Variants in CADM2 observed in about 807,000 individuals in gnomAD.
CADM2 encodes the protein immunoglobulin superfamily member 4D.
CADM2 carries 12 observed loss-of-function variants against 49.8 expected under a neutral mutation model. The observed-to-expected ratio is 0.24, with a 90% confidence interval of 0.15 to 0.39. The LOEUF (loss-of-function observed/expected upper bound fraction) is 0.39. Among genes scored for constraint, CADM2 ranks in the 10% least tolerant of loss-of-function variants. CADM2 has a pLI of 1.00. For missense variants in CADM2, 378 were observed against 492.3 expected, an observed-to-expected ratio of 0.77 and a Z score of 2.20; for synonymous variants, 214 against 175.4, an observed-to-expected ratio of 1.22 and a Z score of -1.74.
At chr3:85,860,129 A>T (rs2075469166) in intron 3 of CADM2, among the ~76,000 whole-genome samples, 2 of 152,218 alleles carry the variant, frequency 1.3e-5, no homozygotes, top group Admixed American at 6.5e-5. Context: ...AACATGATTG[A>T]ACATTATATA....
chr3:85,064,354 CTTCTT>C (rs1461502226), intron 1 of CADM2, among the ~76,000 whole-genome samples: 1 of 152,054 alleles, frequency 6.6e-6, no homozygotes, highest in Non-Finnish European at 1.5e-5. Context: ...GGTTTCTTCT[CTTCTT>C]GTTTGATTTT....
chr3:85,865,004 C>T (rs999027468), intron 3 of CADM2, among the ~76,000 whole-genome samples: 6 of 152,290 alleles, frequency 3.9e-5, no homozygotes, highest in East Asian at 1.9e-4. Context: ...CAGCCCAGAA[C>T]CACTTTTTAA....
chr3:85,835,532 T>G (rs931754312), intron 3 of CADM2, among the ~76,000 whole-genome samples: 4 of 151,076 alleles, frequency 2.6e-5, no homozygotes, highest in African/African-American at 9.7e-5. Flanking sequence ...CCCTGATATA[T>G]CAAATATACT....
intron 1 of CADM2, among the ~76,000 whole-genome samples, chr3:85,142,718 G>GC (rs1405644580): frequency 1.3e-5 from 2 of 152,122 alleles, no homozygotes; most frequent in East Asian, 3.9e-4. Context: ...CATAAGCTAC[G>GC]AACCTTTTAA....
At chr3:85,023,299 T>C (rs921947073) in intron 1 of CADM2, among the ~76,000 whole-genome samples, 1 of 152,164 alleles carries the variant, frequency 6.6e-6, no homozygotes, top group Non-Finnish European at 1.5e-5. Context: ...TTTGTACTTA[T>C]TACCTCAGTA....
chr3:85,903,770 C>T (rs1383688243), intron 5 of CADM2, among the ~76,000 whole-genome samples: 1 of 152,132 alleles, frequency 6.6e-6, no homozygotes, highest in African/African-American at 2.4e-5. Flanking sequence ...TCTCTGCTTA[C>T]GTTAGTATCA....
rs2042053573 is a variant in CADM2 at position 85,221,930 on chromosome 3, C to A, written c.61+262262C>A. ...AAATGATAAAGAAAGCAAAATATAGCATCCTAGTAAATGCAGTTGAAGAAG... is the reference window on the plus strand; with the variant it reads ...AAATGATAAAGAAAGCAAAATATAGAATCCTAGTAAATGCAGTTGAAGAAG... On this transcript the variant is annotated intron_variant, in intron 1 of 9. Coordinates refer to ENST00000383699, the MANE Select transcript of CADM2 (RefSeq NM_001167675.2). Among the ~76,000 whole-genome samples, 2 of 152,044 alleles carry A rather than the reference C, an allele frequency of 1.3e-5. 1 individual carries two copies.
At chr3:85,845,150 A>T (rs80040118) in intron 3 of CADM2, among the ~76,000 whole-genome samples, 7,280 of 129,338 alleles carry the variant, frequency 0.056, 520 homozygotes, top group African/African-American at 0.19. Flanking sequence ...ACTGAGACTT[A>T]GTCACAAAAA....
intron 1 of CADM2, among the ~76,000 whole-genome samples, chr3:85,086,896 T>A (rs1292987682): frequency 6.6e-6 from 1 of 152,206 alleles, no homozygotes. Context: ...TGTAGCCATC[T>A]GCTTTCATAG....
intron 1 of CADM2, among the ~76,000 whole-genome samples, chr3:85,375,871 G>T (rs2033564356): frequency 6.6e-6 from 1 of 152,014 alleles, no homozygotes; most frequent in African/African-American, 2.4e-5. Flanking sequence ...TATTATATTT[G>T]CACTAGAGAA....
chr3:85,258,961 T>C (rs182779309), intron 1 of CADM2, among the ~76,000 whole-genome samples: 95 of 152,188 alleles, frequency 6.2e-4, no homozygotes, highest in Admixed American at 1.7e-3. Flanking sequence ...CCCTGTCAAA[T>C]TGATAGAGTG....
At chr3:85,551,973 T>C (rs1328733086) in intron 1 of CADM2, among the ~76,000 whole-genome samples, 2 of 151,126 alleles carry the variant, frequency 1.3e-5, no homozygotes, top group African/African-American at 2.4e-5. Context: ...TTTGTGATTA[T>C]ATACACTTTT....
At chr3:85,783,271 G>A (rs1422217482) in intron 2 of CADM2, among the ~76,000 whole-genome samples, 1 of 152,176 alleles carries the variant, frequency 6.6e-6, no homozygotes, top group Non-Finnish European at 1.5e-5. Flanking sequence ...GTTAAATGAA[G>A]TAGCAAATGC....
chr3:85,139,616 T>G (rs2039516938), intron 1 of CADM2, among the ~76,000 whole-genome samples: 1 of 152,086 alleles, frequency 6.6e-6, no homozygotes, highest in Admixed American at 6.6e-5. Flanking sequence ...ATTTTATTTA[T>G]AAGAACTATA....
intron 1 of CADM2, among the ~76,000 whole-genome samples, chr3:85,358,655 A>C (rs1174655848): frequency 1.3e-5 from 2 of 152,176 alleles, no homozygotes; most frequent in Non-Finnish European, 2.9e-5. Flanking sequence ...ATAGCCAATA[A>C]AATTGATGAA....
intron 1 of CADM2, among the ~76,000 whole-genome samples, chr3:85,001,315 T>G (rs1053112317): frequency 6.6e-6 from 1 of 152,050 alleles, no homozygotes; most frequent in Non-Finnish European, 1.5e-5. Flanking sequence ...TTTTTAATAT[T>G]TTAGTTTAAC....
intron 1 of CADM2, among the ~76,000 whole-genome samples, chr3:85,052,200 G>C (rs1237433981): frequency 6.6e-6 from 1 of 152,076 alleles, no homozygotes; most frequent in Non-Finnish European, 1.5e-5. Context: ...TGTGATTGAA[G>C]CTATTTCCCC....
At chr3:85,505,240 A>G (rs1246917661) in intron 1 of CADM2, among the ~76,000 whole-genome samples, 2 of 152,244 alleles carry the variant, frequency 1.3e-5, no homozygotes, top group Non-Finnish European at 2.9e-5. Context: ...TCACCTCTCA[A>G]TATCACAAGT....
intron 3 of CADM2, among the ~76,000 whole-genome samples, chr3:85,881,900 A>G (rs562435722): frequency 1.3e-5 from 2 of 152,236 alleles, no homozygotes; most frequent in South Asian, 4.1e-4. Flanking sequence ...GGGGCACGCA[A>G]CCTAGATGCC....
Sources: allele counts gnomAD v4.1 joint callset (sites outside exome capture counted in the v4.1 genomes callset), GRCh38; gene constraint gnomAD v4.1.1; transcripts MANE v1.5; gene names NCBI Gene and HGNC (gene_info 2026-07-23, HGNC 2026-07-21).